PPFIA2: variants seen among roughly 807,000 people sequenced by gnomAD.
PPFIA2 encodes the protein PPFI scaffold protein A2.
Under a neutral mutation model 175.5 loss-of-function variants are expected in PPFIA2, and 46 were observed. The observed-to-expected ratio is 0.26, with a 90% CI of 0.21 to 0.34. The LOEUF (loss-of-function observed/expected upper bound fraction) is 0.34. Ranked by LOEUF, PPFIA2 falls within the 10% of genes least tolerant of loss-of-function variation. PPFIA2 has a pLI of 1.00. For synonymous variants in PPFIA2, 568 were observed against 511.4 expected (o/e 1.11, Z -1.49); for missense variants, 1,179 against 1,506.1 (o/e 0.78, Z 3.60).
intron 4 of PPFIA2, among the ~76,000 whole-genome samples, chr12:81,629,312 G>A (rs1332141886): frequency 3.3e-5 from 5 of 152,030 alleles, no homozygotes; most frequent in Non-Finnish European, 5.9e-5. Context: ...TTTTTGGTAC[G>A]AAAAGCCTTT....
chr12:81,283,965 A>G (rs556249986), intron 25 of PPFIA2, among the ~76,000 whole-genome samples: 27 of 152,276 alleles, frequency 1.8e-4, no homozygotes, highest in African/African-American at 6.5e-4. Flanking sequence ...TGTTACAAAA[A>G]CTTCCAATGT....
chr12:81,636,448 G>A (rs2064054657), intron 4 of PPFIA2, among the ~76,000 whole-genome samples: 1 of 150,428 alleles, frequency 6.6e-6, no homozygotes, highest in African/African-American at 2.4e-5. Flanking sequence ...TGTATTTTTA[G>A]TAGAGACGGG....
rs575655472 is a variant in PPFIA2, at chr12:81,756,471, T to G, written c.-3+1929A>C. On this transcript the variant is annotated intron_variant, in intron 2 of 32. Coordinates refer to ENST00000549396, the MANE Select transcript of PPFIA2 (RefSeq NM_003625.5). ...CATTCACAAACTTTAGGGTCTTAAA[T>G]CAACATTAAAGGTAGTCTTCGATTT... Among the ~76,000 whole-genome samples, 3 of 152,182 alleles carry G rather than the reference T, an allele frequency of 2.0e-5. No homozygotes were observed. The East Asian group carries it at 5.8e-4, about 29-fold the overall frequency.
At chr12:81,294,489 A>AAG (rs2045961015) in intron 24 of PPFIA2, 29 of 125,504 alleles carry the variant, frequency 2.3e-4, no homozygotes, top group African/African-American at 8.8e-4. Context: ...AAGGAAGGAA[A>AAG]GAAGGAAGGA....
chr12:81,596,496 G>A (rs892339802), intron 4 of PPFIA2, among the ~76,000 whole-genome samples: 1 of 152,030 alleles, frequency 6.6e-6, no homozygotes, highest in African/African-American at 2.4e-5. Context: ...TCGACAAAAA[G>A]GGGGTAGTTA....
At chr12:81,508,861 G>A (rs1010211875) in intron 4 of PPFIA2, among the ~76,000 whole-genome samples, 3 of 148,374 alleles carry the variant, frequency 2.0e-5, no homozygotes, top group Non-Finnish European at 3.0e-5. Flanking sequence ...GAGAATATGC[G>A]GTGTTTGGTT....
intron 4 of PPFIA2, among the ~76,000 whole-genome samples, chr12:81,552,656 T>C (rs997255193): frequency 2.0e-5 from 3 of 152,062 alleles, no homozygotes; most frequent in Non-Finnish European, 4.4e-5. Flanking sequence ...CAAAAATTCA[T>C]GTGTGTAGCT....
intron 24 of PPFIA2, 49 bp downstream of exon 24, chr12:81,294,786 C>G (rs755526875): frequency 1.3e-6 from 2 of 1,562,886 alleles, no homozygotes; most frequent in Non-Finnish European, 1.7e-6. Flanking sequence ...CTTAGACACA[C>G]GGCTATTTGC....
chr12:81,296,032 G>A (rs575299234), intron 23 of PPFIA2, among the ~76,000 whole-genome samples: 6 of 147,100 alleles, frequency 4.1e-5, no homozygotes, highest in East Asian at 2.1e-4. Flanking sequence ...GAGGCCAGGC[G>A]CGGTGGCTCA....
chr12:81,435,066 T>C (rs1308485449), intron 7 of PPFIA2, among the ~76,000 whole-genome samples: 1 of 152,148 alleles, frequency 6.6e-6, no homozygotes, highest in Non-Finnish European at 1.5e-5. Context: ...AAAGAACATA[T>C]AGTAGTTTTG....
chr12:81,664,266 G>T (rs2069622160), intron 4 of PPFIA2, among the ~76,000 whole-genome samples: 3 of 151,976 alleles, frequency 2.0e-5, no homozygotes, highest in African/African-American at 7.3e-5. Context: ...TACAGAATGG[G>T]AGAAAATTTT....
chr12:81,473,897 T>C (rs888295552), intron 4 of PPFIA2, among the ~76,000 whole-genome samples: 4 of 152,322 alleles, frequency 2.6e-5, no homozygotes, highest in African/African-American at 9.6e-5. Flanking sequence ...TGCAGGGCCA[T>C]AGCATTCCTT....
intron 4 of PPFIA2, among the ~76,000 whole-genome samples, chr12:81,628,347 G>A (rs138988374): frequency 2.7e-4 from 40 of 148,324 alleles, no homozygotes; most frequent in Admixed American, 1.6e-3. Flanking sequence ...ACATGATCTC[G>A]ACTAAATCCA....
At chr12:81,417,525 T>G (rs1183211461) in intron 7 of PPFIA2, among the ~76,000 whole-genome samples, 1 of 151,698 alleles carries the variant, frequency 6.6e-6, no homozygotes, top group African/African-American at 2.4e-5. Context: ...TATTCATTAA[T>G]CAATCTTGCA....
At chr12:81,275,951 A>AT (rs1356566672) in intron 28 of PPFIA2, among the ~76,000 whole-genome samples, 1 of 151,538 alleles carries the variant, frequency 6.6e-6, no homozygotes, top group Non-Finnish European at 1.5e-5. Flanking sequence ...CGCCCGGCTA[A>AT]TTTTTTGTAT....
intron 4 of PPFIA2, among the ~76,000 whole-genome samples, chr12:81,595,499 G>A (rs1050171636): frequency 2.6e-5 from 4 of 151,814 alleles, no homozygotes; most frequent in African/African-American, 9.7e-5. Flanking sequence ...CATCATCCAG[G>A]GTCCAGGCAC....
chr12:81,550,646 G>A (rs1192229933), intron 4 of PPFIA2, among the ~76,000 whole-genome samples: 4 of 151,908 alleles, frequency 2.6e-5, no homozygotes, highest in Non-Finnish European at 5.9e-5. Context: ...TTTTTAGTTT[G>A]ACATTTGATT....
chr12:81,410,114 G>A (rs2043663394), intron 7 of PPFIA2, among the ~76,000 whole-genome samples: 1 of 152,110 alleles, frequency 6.6e-6, no homozygotes, highest in Non-Finnish European at 1.5e-5. Flanking sequence ...TGCCATAATG[G>A]AAGTAGAAGG....
intron 3 of PPFIA2, among the ~76,000 whole-genome samples, chr12:81,712,362 T>G (rs1169358735): frequency 6.6e-6 from 1 of 151,406 alleles, no homozygotes; most frequent in Non-Finnish European, 1.5e-5. Flanking sequence ...TCTATTGATA[T>G]GTTCCAAAGA....
Sources: allele counts gnomAD v4.1 joint callset (sites outside exome capture counted in the v4.1 genomes callset), GRCh38; gene constraint gnomAD v4.1.1; transcripts MANE v1.5; gene names NCBI Gene and HGNC (gene_info 2026-07-23, HGNC 2026-07-21).